Variants in ZNF554 observed in about 807,000 individuals in gnomAD.
The protein encoded by ZNF554 is zinc finger protein 554.
A neutral mutation model predicts 21.2 loss-of-function variants in ZNF554; 15 were observed. The ratio of observed to expected loss-of-function variants is 0.71; its 90% CI spans 0.47 to 1.09. The LOEUF (loss-of-function observed/expected upper bound fraction) is 1.09. Among genes scored for constraint, ZNF554 ranks in the 50% least tolerant of loss-of-function variants. ZNF554 has a pLI of 0.00. For missense variants in ZNF554, 691 were observed against 662.7 expected (o/e 1.04, Z -0.47); for synonymous variants, 258 against 251.4 (o/e 1.03, Z -0.25).
At chr19:2,833,582 G>C in intron 4 of ZNF554, 99 bp from the exon 5 acceptor site, 1 of 1,009,426 alleles carries the variant, frequency 9.9e-7, no homozygotes, top group South Asian at 1.9e-5. Context: ...ACATCAGTCC[G>C]CACAGGCCTT....
rs2087467713 is a variant in ZNF554, at chr19:2,834,372, C to G, written c.1137C>G (p.Pro379=). ...RHLRTHTGEK[P]YGCGECGKAF... ...TGAGAACTCATACTGGAGAGAAGCC[C>G]TACGGGTGCGGTGAGTGCGGGAAAG... Residue 379 remains proline (P), a synonymous_variant, in exon 5 of 5, where the codon CCC becomes CCG. Coordinates refer to ENST00000317243, the MANE Select transcript of ZNF554 (RefSeq NM_001102651.2). 1 of 1,613,980 alleles carries G rather than the reference C, an allele frequency of 6.2e-7. No homozygotes were observed. Among genetic ancestry groups the G allele is most frequent in the African/African-American group, 1.3e-5 (1 of 75,008 alleles).
Position 2,821,434 on chromosome 19 carries a change from A to G in ZNF554, c.53+1310A>G, listed in dbSNP as rs1029151002. On this transcript the variant is annotated intron_variant, in intron 1 of 4. Transcript: ENST00000317243. This position sits in a 1 kb window ranked among gnomAD's most constrained non-coding sequence, Gnocchi z 8.2. ...GACAATGCACCACAAACCAGGGGGC[A>G]GGGGGAGGCTTGAAATTTATTCTCT... Among the ~76,000 whole-genome samples the G allele has an allele frequency of 6.6e-6, 1 of 151,838 alleles. No homozygotes were observed. The highest frequency in any genetic ancestry group is 1.5e-5 in the Non-Finnish European group (1 of 68,010).
rs564726458 is a variant in ZNF554, at chr19:2,835,704, T to C, written c.*852T>C. On this transcript the variant is annotated 3_prime_UTR_variant, in exon 5 of 5. Coordinates refer to ENST00000317243, the MANE Select transcript of ZNF554 (RefSeq NM_001102651.2). ...TGGTGGACGGGAATGCTGTCATGGA[T>C]GGGATCTTGCCAAGAACCATCACGT... The C allele has an allele frequency of 6.6e-6, 1 of 152,354 alleles. No individual in the cohort carries two copies. Among genetic ancestry groups the C allele is most frequent in the Admixed American group, 6.5e-5 (1 of 15,294 alleles). 9.4% of individuals were successfully genotyped at this position (152,354 alleles called of 1,614,324 possible). A position where few individuals can be genotyped will look rare whatever the true frequency, so the allele number is the denominator to read the frequency against.
At chr19:2,832,549 T>C (rs897393080) in intron 4 of ZNF554, 55 bp downstream of exon 4, 99 of 1,522,292 alleles carry the variant, frequency 6.5e-5, no homozygotes, top group Non-Finnish European at 8.5e-5. Context: ...GTGGGAAACA[T>C]TGGTCAGAGA....
intron 2 of ZNF554, 117 bp downstream of exon 2, chr19:2,823,229 C>A (rs1394951079): frequency 2.9e-6 from 3 of 1,024,402 alleles, no homozygotes; most frequent in Non-Finnish European, 4.2e-6. Flanking sequence ...AGGAGAATTC[C>A]CCAGGAGTGG....
Position 2,835,453 on chromosome 19 carries a change from CAG to C in ZNF554, c.*604_*605del, listed in dbSNP as rs2144830590. 1 of 140,760 alleles carries C rather than the reference CAG, an allele frequency of 7.1e-6. No individual in the cohort carries two copies. The highest frequency in any genetic ancestry group is 2.3e-4 in the South Asian group (1 of 4,296). The allele number at this position is 140,760 out of a possible 1,614,324, so 8.7% of individuals were successfully genotyped here. A position where few individuals can be genotyped will look rare whatever the true frequency, so the allele number is the denominator to read the frequency against. ...CACCACTGCACTCCAGCCTGGGAGA[CAG>C]AGCGAGACTCCGTCTCAAAAAAAAA... On this transcript the variant is annotated 3_prime_UTR_variant, in exon 5 of 5. Coordinates refer to ENST00000317243, the MANE Select transcript of ZNF554 (RefSeq NM_001102651.2).
intron 3 of ZNF554, among the ~76,000 whole-genome samples, chr19:2,828,025 C>T (rs555353383): frequency 2.0e-5 from 3 of 152,220 alleles, no homozygotes; most frequent in Non-Finnish European, 2.9e-5. Context: ...TTCATTACCA[C>T]GAGAACAGTA....
rs2087488730 is a variant in ZNF554, at chr19:2,835,540, G to A, written c.*688G>A. ...CCAAGACTGGTCTTGAACTCCTGGG[G>A]TCAAGCATCCTCCTGTCTTGGCCTC... is the stretch of plus-strand genomic sequence containing the variant. On this transcript the variant is annotated 3_prime_UTR_variant, in exon 5 of 5. Coordinates refer to ENST00000317243, the MANE Select transcript of ZNF554 (RefSeq NM_001102651.2). 1.3e-5 allele frequency: 2 copies of A among 152,166 alleles called. No individual in the cohort carries two copies. The highest frequency in any genetic ancestry group is 4.8e-5 in the African/African-American group (2 of 41,416). The allele number at this position is 152,166 out of a possible 1,614,324, so 9.4% of individuals were successfully genotyped here.
In ZNF554 at chr19:2,833,696, T is replaced by C. The variant is rs2087450471; in HGVS notation, c.461T>C (p.Leu154Pro). The change falls in exon 5 of 5, where the codon CTA (leucine) becomes CCA (proline). Residue 154 changes from leucine to proline, a missense_variant. Leu to Pro is a moderately conservative substitution (Grantham distance 98, BLOSUM62 -3). Transcript: ENST00000317243. ...QASCSDWMTV[L>P]RNQDSTYKKV... is the part of the protein sequence containing the mutation. ...TTTATTTCAGATTGGATGACTGTACTAAGAAACCAAGACTCAACTTACAAG... is the reference window on the plus strand; with the variant it reads ...TTTATTTCAGATTGGATGACTGTACCAAGAAACCAAGACTCAACTTACAAG... 2 of 1,525,792 alleles carry C rather than the reference T, an allele frequency of 1.3e-6. No homozygotes were observed. The allele number at this position is 1,525,792 out of a possible 1,614,324, so 94.5% of individuals were successfully genotyped here.
chr19:2,830,954 T>C (rs12459332), intron 3 of ZNF554: 8,006 of 151,986 alleles, frequency 0.053, 350 homozygotes, highest in East Asian at 0.2. Flanking sequence ...TTAATAGAGA[T>C]GGATTTTTGC....
chr19:2,828,826 C>G (rs979458381), intron 3 of ZNF554, among the ~76,000 whole-genome samples: 1 of 152,044 alleles, frequency 6.6e-6, no homozygotes, highest in Non-Finnish European at 1.5e-5. Flanking sequence ...CAGGGGAAAC[C>G]TTATAAAACC....
Position 2,833,257 on chromosome 19 carries a change from C to G in ZNF554, c.446-424C>G, listed in dbSNP as rs575070626. The G allele has an allele frequency of 9.5e-5, 15 of 158,290 alleles. No homozygotes were observed. In the South Asian group the frequency reaches 2.0e-3, roughly 22 times the overall value. The allele number at this position is 158,290 out of a possible 1,614,324, so 9.8% of individuals were successfully genotyped here. Reference sequence around the variant, plus strand: ...GTTCAAGCGATTCTTCTGCCTCAGCCTCTTGAGTACAGGTGTGTGTGCCAC... The same window carrying G: ...GTTCAAGCGATTCTTCTGCCTCAGCGTCTTGAGTACAGGTGTGTGTGCCAC... On this transcript the variant is annotated intron_variant, in intron 4 of 4. Coordinates refer to ENST00000317243, the MANE Select transcript of ZNF554 (RefSeq NM_001102651.2).
At chr19:2,826,693 G>A (rs1290692414) in intron 2 of ZNF554, among the ~76,000 whole-genome samples, 1 of 146,882 alleles carries the variant, frequency 6.8e-6, no homozygotes, top group African/African-American at 2.5e-5. Context: ...ATGGAGTCTC[G>A]CTCTGTCGCC....
Position 2,823,137 on chromosome 19 carries a change from G to C in ZNF554, c.126+25G>C, listed in dbSNP as rs1012327026. The C allele has an allele frequency of 3.7e-6, 6 of 1,606,882 alleles. No individual in the cohort carries two copies. In the Admixed American group the frequency reaches 1.0e-4, roughly 27 times the overall value. On this transcript the variant is annotated intron_variant, in intron 2 of 4. Transcript: ENST00000317243. ...GGTGAGATGTCCTCATTCTCCCAAAGGGCACCCAGTATATCCAGAGGGAAC... is the reference window on the plus strand; with the variant it reads ...GGTGAGATGTCCTCATTCTCCCAAACGGCACCCAGTATATCCAGAGGGAAC...
At position 2,834,444 on chromosome 19, in the gene ZNF554, C is replaced by T. The variant is rs141660745; in HGVS notation, c.1209C>T (p.Thr403=). 4,828 of 1,613,886 alleles carry T rather than the reference C, an allele frequency of 3.0e-3. 12 individuals are homozygous for T. The highest frequency in any genetic ancestry group is 7.8e-3 in the Middle Eastern group (47 of 6,062). ...SSLTQHQRIH[T]GEKPYKCEDC... is the part of the protein sequence containing the mutation. ...TGACTCAGCATCAGAGGATTCACAC[C>T]GGGGAAAAGCCCTATAAATGTGAAG... Residue 403 remains threonine (T), a synonymous_variant, in exon 5 of 5, where the codon ACC becomes ACT. Transcript: ENST00000317243.
chr19:2,834,175 CACA>C lies in ZNF554; in HGVS notation c.945_947del (p.Asn315del), dbSNP rs1219212436. ...GAACCACGGTATGGCCCTGACTATC[CACA>C]ACAAAATCAACACGGCAGAGAAACC... On this transcript the variant is annotated inframe_deletion, in exon 5 of 5. Coordinates refer to ENST00000317243, the MANE Select transcript of ZNF554 (RefSeq NM_001102651.2). 1 of 1,613,864 alleles carries C rather than the reference CACA, an allele frequency of 6.2e-7. No individual in the cohort carries two copies. The highest frequency in any genetic ancestry group is 1.3e-5 in the African/African-American group (1 of 74,904).
intron 1 of ZNF554, among the ~76,000 whole-genome samples, chr19:2,820,684 C>CTTTTTTTTTTTTTTTGTTTTTTTTTT (rs2087250711): frequency 9.7e-6 from 1 of 103,192 alleles, no homozygotes; most frequent in Non-Finnish European, 2.0e-5. Flanking sequence ...AGCAAGGGTC[C>CTTTTTTTTTTTTTTTGTTTTTTTTTT]TTTTTTTTTT....
Position 2,821,646 on chromosome 19 carries a change from T to G in ZNF554, c.54-1394T>G, listed in dbSNP as rs990080253. 4.0e-5 allele frequency among the ~76,000 whole-genome samples: 6 copies of G among 151,688 alleles called. No individual in the cohort carries two copies. The highest frequency in any genetic ancestry group is 4.9e-5 in the African/African-American group (2 of 40,976). On this transcript the variant is annotated intron_variant, in intron 1 of 4. Coordinates refer to ENST00000317243, the MANE Select transcript of ZNF554 (RefSeq NM_001102651.2). The surrounding 1 kb of genome is among the most constrained non-coding windows in gnomAD (Gnocchi z 8.2). ...TGCATCATCATGTGGCCTTCTTCCC[T>G]GTGTCTCTTTCTCCTTTTTTGTTTT...
rs200419959 is a variant in ZNF554, at chr19:2,832,289, C to T, written c.254-14C>T. 3.8e-6 allele frequency: 6 copies of T among 1,568,896 alleles called. No homozygotes were observed. The highest frequency in any genetic ancestry group is 1.4e-5 in the African/African-American group (1 of 72,652). On this transcript the variant is annotated splice_polypyrimidine_tract_variant and intron_variant, in intron 3 of 4. Coordinates refer to ENST00000317243, the MANE Select transcript of ZNF554 (RefSeq NM_001102651.2). ...TCTTGTGCTACCTCTCAAGTATACT[C>T]TTGTCTTTTTCAGAAGCCTTGAAGA... is the stretch of plus-strand genomic sequence containing the variant.
Sources: gnomAD v4.1 joint callset for allele counts (sites outside exome capture counted in the v4.1 genomes callset) on GRCh38, gnomAD v4.1.1 for gene constraint, Gnocchi (gnomAD v3.1) non-coding constraint, MANE v1.5 for transcripts, NCBI Gene and HGNC (gene_info 2026-07-23, HGNC 2026-07-21) for gene names.